The following SSX2IP variants were observed in gnomAD, a reference collection of about 807,000 sequenced individuals.
SSX2IP encodes the protein SSX family member 2 interacting protein.
Under a neutral mutation model 84.9 loss-of-function variants are expected in SSX2IP, and 55 were observed. The observed-to-expected ratio is 0.65, with a 90% CI of 0.52 to 0.81. The LOEUF is 0.81. SSX2IP is among the 30% of genes least tolerant of loss of function. The pLI, the probability that SSX2IP is intolerant of heterozygous loss-of-function variation, is 0.00. For missense variants in SSX2IP, 664 were observed against 705.2 expected (o/e 0.94, Z 0.66); for synonymous variants, 239 against 234.7 (o/e 1.02, Z -0.17).
At chr1:84,654,287 A>C (rs1650751739) in intron 11 of SSX2IP, among the ~76,000 whole-genome samples, 1 of 152,186 alleles carries the variant, frequency 6.6e-6, no homozygotes. Context: ...AGAAAACAAA[A>C]CACAGTTATC....
intron 9 of SSX2IP, 36 bp downstream of exon 9, chr1:84,658,282 C>T (rs775869240): frequency 6.2e-7 from 1 of 1,610,724 alleles, no homozygotes; most frequent in Non-Finnish European, 8.5e-7. Flanking sequence ...TACCAAATGT[C>T]ACAACTCACT....
intron 3 of SSX2IP, 70 bp from the exon 4 acceptor site, chr1:84,669,963 T>A: frequency 9.0e-7 from 1 of 1,105,536 alleles, no homozygotes; most frequent in South Asian, 1.4e-5. Flanking sequence ...ATACAAACTT[T>A]CAGTTAGATA....
At position 84,658,406 on chromosome 1, in the gene SSX2IP, G is replaced by A. The variant is rs746856212; in HGVS notation, c.990C>T (p.Ser330=). Residue 330 remains serine (S), a synonymous_variant, in exon 9 of 14, where the codon TCC becomes TCT. Transcript: ENST00000342203. Reference sequence around the variant, plus strand: ...TAAGCTGCTCTCTCACAGTTTCACAGGAAAGGTCCCACATACTCTCTCTGC... The same window carrying A: ...TAAGCTGCTCTCTCACAGTTTCACAAGAAAGGTCCCACATACTCTCTCTGC... The part of the protein sequence containing the change: ...ELSRESMWDL[S]CETVREQLTN... The A allele has an allele frequency of 6.2e-7, 1 of 1,613,960 alleles. No individual in the cohort carries two copies. The highest frequency in any genetic ancestry group is 8.5e-7 in the Non-Finnish European group (1 of 1,180,024).
intron 4 of SSX2IP, among the ~76,000 whole-genome samples, chr1:84,666,800 G>A (rs1210473136): frequency 6.6e-6 from 1 of 152,114 alleles, no homozygotes; most frequent in African/African-American, 2.4e-5. Context: ...AGCAAAGCCA[G>A]AATTAGTATG....
chr1:84,649,865 G>T, intron 13 of SSX2IP: 1 of 501,384 alleles, frequency 2.0e-6, no homozygotes. Flanking sequence ...TTCCCAGGGT[G>T]GAGAGCCATG....
chr1:84,687,409 T>G (rs1655949398), intron 1 of SSX2IP, among the ~76,000 whole-genome samples: 1 of 152,238 alleles, frequency 6.6e-6, no homozygotes, highest in Admixed American at 6.5e-5. Context: ...GAGTCTGACA[T>G]TTTTATGTCT....
At chr1:84,664,650 T>A in intron 5 of SSX2IP, 98 bp from the exon 6 acceptor site, 1 of 1,047,104 alleles carries the variant, frequency 9.6e-7, no homozygotes, top group South Asian at 2.4e-5. Context: ...TTTAAAATCC[T>A]AGGATGATTC....
At chr1:84,670,336 G>T (rs193053286) in intron 3 of SSX2IP, 6 of 192,478 alleles carry the variant, frequency 3.1e-5, no homozygotes, top group Admixed American at 2.3e-4. Context: ...TTAAGAGGAC[G>T]GGGCTCTTTT....
intron 1 of SSX2IP, among the ~76,000 whole-genome samples, chr1:84,688,487 C>T (rs1656105950): frequency 6.6e-6 from 1 of 152,146 alleles, no homozygotes; most frequent in Non-Finnish European, 1.5e-5. Flanking sequence ...GGGGCGGTGT[C>T]TTTTCATGCA....
At chr1:84,677,566 T>C (rs548673447) in intron 1 of SSX2IP, among the ~76,000 whole-genome samples, 10 of 152,282 alleles carry the variant, frequency 6.6e-5, no homozygotes, top group South Asian at 6.2e-4. Flanking sequence ...GCTAGATTTA[T>C]TGACTAGCTT....
chr1:84,661,816 C>A (rs921361424), intron 8 of SSX2IP, among the ~76,000 whole-genome samples: 1 of 152,108 alleles, frequency 6.6e-6, no homozygotes, highest in Non-Finnish European at 1.5e-5. Flanking sequence ...ATGTGTGATA[C>A]TGGGCTACTA....
intron 1 of SSX2IP, among the ~76,000 whole-genome samples, chr1:84,676,448 A>G (rs1654342912): frequency 1.3e-5 from 2 of 152,178 alleles, no homozygotes; most frequent in South Asian, 2.1e-4. Flanking sequence ...GTATTAGTAC[A>G]CTGTCTTCCC....
At position 84,662,328 on chromosome 1, in the gene SSX2IP, C is replaced by T. The variant is rs770672550; in HGVS notation, c.797G>A (p.Arg266His). 3.9e-5 allele frequency: 63 copies of T among 1,608,430 alleles called. No individual in the cohort carries two copies. Among genetic ancestry groups the T allele is most frequent in the African/African-American group, 6.7e-5 (5 of 74,488 alleles). Reference protein sequence around the residue: ...YKILLNDYEYRQKQILMENAE... With the variant: ...YKILLNDYEYHQKQILMENAE... Reference sequence around the variant, plus strand: ...ATTTTCCATTAGGATTTGTTTCTGACGATATTCATAATCATTCAAGAGAAT... The same window carrying T: ...ATTTTCCATTAGGATTTGTTTCTGATGATATTCATAATCATTCAAGAGAAT... Residue 266 changes from arginine to histidine, a missense_variant, in exon 8 of 14, where the codon CGT (arginine) becomes CAT (histidine). By Grantham distance (29) the Arg-to-His change is conservative. Coordinates refer to ENST00000342203, the MANE Select transcript of SSX2IP (RefSeq NM_001166293.2).
At position 84,651,949 on chromosome 1, in the gene SSX2IP, G is replaced by A. The variant is rs1428241011; in HGVS notation, c.1438C>T (p.Leu480=). Reference sequence around the variant, plus strand: ...TGGTGGTCAAAGGTAGTCATATTTAGAAACTGCTGCTTTAACCAACTGGCT... The same window carrying A: ...TGGTGGTCAAAGGTAGTCATATTTAAAAACTGCTGCTTTAACCAACTGGCT... The part of the protein sequence containing the change: ...ERASWLKQQF[L]NMTTFDHQNS... The change falls in exon 12 of 14, where the codon CTA becomes TTA. Residue 480 remains leucine, a synonymous_variant. Transcript: ENST00000342203. 5.0e-6 allele frequency: 8 copies of A among 1,613,932 alleles called. No individual in the cohort carries two copies. The Admixed American group carries it at 1.3e-4, about 27-fold the overall frequency.
Position 84,666,231 on chromosome 1 carries a change from T to G in SSX2IP, c.428A>C (p.Glu143Ala). 6.2e-7 allele frequency: 1 copy of G among 1,606,580 alleles called. No individual in the cohort carries two copies. Among genetic ancestry groups the G allele is most frequent in the African/African-American group, 1.3e-5 (1 of 74,610 alleles). The change falls in exon 5 of 14, where the codon GAA (glutamate) becomes GCA (alanine). Residue 143 changes from glutamate to alanine, a missense_variant and splice_region_variant. Transcript: ENST00000342203. Reference protein sequence around the residue: ...HLQSCYSKLKEQLETSRREMI... With the variant: ...HLQSCYSKLKAQLETSRREMI... ...TTCCCTCCTGGAGGTTTCCAGTTGT[T>G]CCTAAAACATTTATAAGCAATTTTG...
chr1:84,664,398 A>G lies in SSX2IP; in HGVS notation c.673+19T>C. 2.6e-6 allele frequency: 4 copies of G among 1,565,238 alleles called. No homozygotes were observed. Among genetic ancestry groups the G allele is most frequent in the Non-Finnish European group, 2.6e-6 (3 of 1,163,258 alleles). Reference sequence around the variant, plus strand: ...ATTAGCTTATTTATTCTCTTAGCTGATCTTTGCCAGCTGTTTACCTATTTT... The same window carrying G: ...ATTAGCTTATTTATTCTCTTAGCTGGTCTTTGCCAGCTGTTTACCTATTTT... On this transcript the variant is annotated intron_variant, in intron 6 of 13. Coordinates refer to ENST00000342203, the MANE Select transcript of SSX2IP (RefSeq NM_001166293.2).
chr1:84,656,343 T>C lies in SSX2IP; in HGVS notation c.1215+5A>G, dbSNP rs373998289. 5.0e-6 allele frequency: 8 copies of C among 1,609,490 alleles called. No homozygotes were observed. In the African/African-American group the frequency reaches 1.1e-4, roughly 22 times the overall value. On this transcript the variant is annotated splice_donor_5th_base_variant and intron_variant, in intron 10 of 13. Coordinates refer to ENST00000342203, the MANE Select transcript of SSX2IP (RefSeq NM_001166293.2). ...GAACAGCTTTAAAAGGTAATTCATATTCACCTGTAAAAGCTGTTGCTGAGT... is the reference window on the plus strand; with the variant it reads ...GAACAGCTTTAAAAGGTAATTCATACTCACCTGTAAAAGCTGTTGCTGAGT...
At position 84,658,463 on chromosome 1, in the gene SSX2IP, A is replaced by T. The variant is rs1335553833; in HGVS notation, c.933T>A (p.Ile311=). 1 of 1,613,646 alleles carries T rather than the reference A, an allele frequency of 6.2e-7. No individual in the cohort carries two copies. The highest frequency in any genetic ancestry group is 1.3e-5 in the African/African-American group (1 of 74,928). ...CCCCGGCATCTTCTTCAACATCGGA[A>T]ATAACCTACAAGCGGAGAGAGATGA... ...ERVDDSTGTV[I]SDVEEDAGEL... is the part of the protein sequence containing the mutation. Residue 311 remains isoleucine, a synonymous_variant, in exon 9 of 14, where the codon ATT becomes ATA. Coordinates refer to ENST00000342203, the MANE Select transcript of SSX2IP (RefSeq NM_001166293.2).
intron 8 of SSX2IP, among the ~76,000 whole-genome samples, chr1:84,660,807 C>G (rs1202453835): frequency 6.8e-6 from 1 of 147,878 alleles, no homozygotes; most frequent in African/African-American, 2.5e-5. Flanking sequence ...AATCCTAGCA[C>G]TTTGGGAGGC....
Sources: gnomAD v4.1 joint callset for allele counts (sites outside exome capture counted in the v4.1 genomes callset) on GRCh38, gnomAD v4.1.1 for gene constraint, MANE v1.5 for transcripts, NCBI Gene and HGNC (gene_info 2026-07-23, HGNC 2026-07-21) for gene names.